Variants in NME5 observed in about 807,000 individuals in gnomAD.
NME5 encodes NME/NM23 family member 5, also known as nucleoside diphosphate kinase 5.
A neutral mutation model predicts 21.6 loss-of-function variants in NME5; 18 were observed. The observed-to-expected ratio is 0.83, with a 90% CI of 0.58 to 1.24. The LOEUF is 1.24. Ranked by LOEUF, NME5 falls within the 50% of genes most tolerant of loss-of-function variation. NME5 has a pLI of 0.00. For missense variants in NME5, 223 were observed against 255.4 expected (o/e 0.87, Z 0.86); for synonymous variants, 70 against 80.6 (o/e 0.87, Z 0.71).
intron 4 of NME5, among the ~76,000 whole-genome samples, chr5:138,122,441 TAAAAAAAA>T (rs70979581): frequency 9.6e-4 from 33 of 34,452 alleles, no homozygotes; most frequent in Non-Finnish European, 1.5e-3. Flanking sequence ...ACTCTGTCTC[TAAAAAAAA>T]AAAAAAAAAA....
chr5:138,121,478 T>C (rs755781682), intron 4 of NME5, among the ~76,000 whole-genome samples: 1 of 152,132 alleles, frequency 6.6e-6, no homozygotes, highest in Non-Finnish European at 1.5e-5. Context: ...TGTACACAGC[T>C]GAAAGCACCA....
intron 2 of NME5, among the ~76,000 whole-genome samples, chr5:138,137,662 C>G (rs1449003226): frequency 1.3e-5 from 2 of 151,328 alleles, no homozygotes; most frequent in African/African-American, 4.9e-5. Context: ...CAATATGACA[C>G]TGTATAAATG....
intron 5 of NME5, chr5:138,116,703 A>G (rs1751164158): frequency 6.5e-6 from 1 of 153,708 alleles, no homozygotes; most frequent in African/African-American, 2.4e-5. Flanking sequence ...GAATCCAGGA[A>G]TAAACCCACG....
chr5:138,129,138 A>AAAACTTTTGG, intron 3 of NME5, 125 bp downstream of exon 3: 1 of 734,088 alleles, frequency 1.4e-6, no homozygotes, highest in Non-Finnish European at 2.2e-6. Context: ...CTGCCCCCCA[A>AAAACTTTTGG]AAAAGTTGAT....
chr5:138,138,988 A>C, intron 1 of NME5: 4 of 444,702 alleles, frequency 9.0e-6, no homozygotes, highest in Non-Finnish European at 1.2e-5. Context: ...CTATGTCCAA[A>C]TCGAGCCCCG....
At chr5:138,133,759 A>G (rs1751626229) in intron 2 of NME5, among the ~76,000 whole-genome samples, 1 of 152,214 alleles carries the variant, frequency 6.6e-6, no homozygotes, top group South Asian at 2.1e-4. Context: ...GCATAATTTC[A>G]CTTAAATTAG....
chr5:138,126,095 T>C (rs1344431466), intron 4 of NME5, among the ~76,000 whole-genome samples: 1 of 152,198 alleles, frequency 6.6e-6, no homozygotes, highest in Non-Finnish European at 1.5e-5. Flanking sequence ...TACAATGTGC[T>C]AAGTAATTAA....
At chr5:138,130,599 G>A (rs1211362751) in intron 2 of NME5, among the ~76,000 whole-genome samples, 1 of 152,052 alleles carries the variant, frequency 6.6e-6, no homozygotes, top group African/African-American at 2.4e-5. Flanking sequence ...GAACAGTCTG[G>A]CCAACATAGT....
At chr5:138,131,982 T>C (rs1203966017) in intron 2 of NME5, among the ~76,000 whole-genome samples, 2 of 152,188 alleles carry the variant, frequency 1.3e-5, no homozygotes, top group Non-Finnish European at 2.9e-5. Context: ...TGACCTCAGA[T>C]GATCTGCCCA....
intron 2 of NME5, among the ~76,000 whole-genome samples, chr5:138,131,749 T>C (rs910940160): frequency 1.3e-5 from 2 of 151,756 alleles, no homozygotes; most frequent in Admixed American, 6.6e-5. Flanking sequence ...TTTTTTTTTT[T>C]ATTTTTTTGA....
At chr5:138,121,246 G>A (rs983820764) in intron 4 of NME5, among the ~76,000 whole-genome samples, 7 of 151,884 alleles carry the variant, frequency 4.6e-5, no homozygotes, top group Non-Finnish European at 8.8e-5. Flanking sequence ...GCAATATGGC[G>A]AGACTGCCTT....
At chr5:138,115,853 T>C in intron 5 of NME5, 89 bp from the exon 6 acceptor site, 1 of 802,048 alleles carries the variant, frequency 1.2e-6, no homozygotes, top group Admixed American at 3.1e-5. Context: ...CTTAAACAGT[T>C]TTCAAAATCA....
At position 138,131,204 on chromosome 5, in the gene NME5, T is replaced by TAA. The variant is rs762579967; in HGVS notation, c.130-1738_130-1737dup. 9.6e-3 allele frequency among the ~76,000 whole-genome samples: 774 copies of TAA among 80,850 alleles called. 9 individuals are homozygous for TAA. Among genetic ancestry groups the TAA allele is most frequent in the African/African-American group, 0.012 (191 of 16,226 alleles). The allele number at this position is 80,850 out of a possible 152,430, so 53.0% of individuals were successfully genotyped here. On this transcript the variant is annotated intron_variant, in intron 2 of 5. Transcript: ENST00000265191. ...CAACATGATGAAACCCCGTCTCTGC[T>TAA]AAAAAAAAAAAAAAAAAAAAAAAAA... is the stretch of plus-strand genomic sequence containing the variant.
chr5:138,132,220 C>G (rs1405408166), intron 2 of NME5, among the ~76,000 whole-genome samples: 1 of 151,986 alleles, frequency 6.6e-6, no homozygotes, highest in Admixed American at 6.6e-5. Flanking sequence ...ATTGGTGGTG[C>G]ACACCTGTAG....
At chr5:138,117,300 CA>C (rs2151156521) in intron 5 of NME5, among the ~76,000 whole-genome samples, 1 of 147,868 alleles carries the variant, frequency 6.8e-6, no homozygotes, top group African/African-American at 2.5e-5. Flanking sequence ...TTGGATTTCA[CA>C]ATGGATTCTT....
chr5:138,129,755 C>T (rs1235221348), intron 2 of NME5, among the ~76,000 whole-genome samples: 1 of 152,056 alleles, frequency 6.6e-6, no homozygotes, highest in African/African-American at 2.4e-5. Context: ...CTCAGGAGTT[C>T]GAGACCAGCC....
chr5:138,132,640 G>A (rs1383318632), intron 2 of NME5, among the ~76,000 whole-genome samples: 2 of 152,104 alleles, frequency 1.3e-5, no homozygotes, highest in East Asian at 1.9e-4. Context: ...CCGTGTCTCC[G>A]CAGGCTTCAG....
intron 2 of NME5, 104 bp downstream of exon 2, chr5:138,138,548 A>C (rs755704853): frequency 6.8e-5 from 63 of 931,062 alleles, no homozygotes; most frequent in Non-Finnish European, 9.6e-5. Flanking sequence ...ACTTAAATTT[A>C]ATGCTGAACA....
intron 4 of NME5, among the ~76,000 whole-genome samples, chr5:138,127,976 G>C (rs1157066172): frequency 1.3e-5 from 2 of 152,148 alleles, no homozygotes; most frequent in Non-Finnish European, 2.9e-5. Context: ...CACTTTGAGA[G>C]GCCAAGGCAG....
Sources: allele counts gnomAD v4.1 joint callset (sites outside exome capture counted in the v4.1 genomes callset), GRCh38; gene constraint gnomAD v4.1.1; transcripts MANE v1.5; gene names NCBI Gene and HGNC (gene_info 2026-07-23, HGNC 2026-07-21).